DTD1: variants seen among roughly 807,000 people sequenced by gnomAD.
DTD1 encodes the protein D-tyrosyl-tRNA deacylase 1 homolog.
A neutral mutation model predicts 25.6 loss-of-function variants in DTD1; 13 were observed. The ratio of observed to expected loss-of-function variants is 0.51; its 90% confidence interval spans 0.33 to 0.81. The LOEUF is 0.81. DTD1 is among the 30% of genes least tolerant of loss of function. The probability of loss-of-function intolerance (pLI) is 0.02; values close to 1 mark genes in which losing one functional copy is unlikely to be tolerated. For synonymous variants in DTD1, 110 were observed against 103.6 expected, an observed-to-expected ratio of 1.06 and a Z score of -0.37; for missense variants, 193 against 266.4, an observed-to-expected ratio of 0.72 and a Z score of 1.92.
At chr20:18,743,551 G>C (rs1224865628) in intron 4 of DTD1, among the ~76,000 whole-genome samples, 1 of 151,760 alleles carries the variant, frequency 6.6e-6, no homozygotes, top group African/African-American at 2.4e-5. Context: ...GCATGCACCT[G>C]TAGTCACAGA....
intron 4 of DTD1, among the ~76,000 whole-genome samples, chr20:18,635,854 A>C (rs1039765204): frequency 6.6e-6 from 1 of 152,210 alleles, no homozygotes; most frequent in Non-Finnish European, 1.5e-5. Flanking sequence ...TCACCTTACC[A>C]TCTTAAATCC....
At chr20:18,682,728 G>C (rs2061002577) in intron 4 of DTD1, among the ~76,000 whole-genome samples, 1 of 152,200 alleles carries the variant, frequency 6.6e-6, no homozygotes. Flanking sequence ...GACACAGATG[G>C]CTGGCCCAAG....
rs189587406 is a variant in DTD1 at position 18,639,596 on chromosome 20, G to A, written c.477+11363G>A. On this transcript the variant is annotated intron_variant, in intron 4 of 5. Coordinates refer to ENST00000377452, the MANE Select transcript of DTD1 (RefSeq NM_080820.6). ...TTGCTGCTAGCTGGTCAAGAGTCTCGCAGCAGCCACTTTATACCTCACTAG... is the reference window on the plus strand; with the variant it reads ...TTGCTGCTAGCTGGTCAAGAGTCTCACAGCAGCCACTTTATACCTCACTAG... Among the ~76,000 whole-genome samples, 17 of 152,198 alleles carry A rather than the reference G, an allele frequency of 1.1e-4. No homozygotes were observed. In the East Asian group the frequency reaches 1.9e-3, roughly 17 times the overall value.
intron 1 of DTD1, among the ~76,000 whole-genome samples, chr20:18,593,219 T>A (rs1187458601): frequency 6.6e-6 from 1 of 152,196 alleles, no homozygotes; most frequent in Non-Finnish European, 1.5e-5. Context: ...AAATTGTGAT[T>A]TTTATGTATT....
intron 1 of DTD1, chr20:18,592,769 A>G (rs902257653): frequency 2.0e-5 from 3 of 147,500 alleles, no homozygotes; most frequent in African/African-American, 7.5e-5. Context: ...TGCAATCTCC[A>G]CCTTCTGGGT....
At chr20:18,659,058 A>G in intron 4 of DTD1, among the ~76,000 whole-genome samples, 1 of 151,874 alleles carries the variant, frequency 6.6e-6, no homozygotes, top group Non-Finnish European at 1.5e-5. Context: ...AGATATCTAA[A>G]TGAATTCTTA....
chr20:18,740,684 A>G (rs1242727618), intron 4 of DTD1, among the ~76,000 whole-genome samples: 1 of 152,264 alleles, frequency 6.6e-6, no homozygotes, highest in Non-Finnish European at 1.5e-5. Context: ...AAATTATAGT[A>G]AAATACACAT....
intron 3 of DTD1, among the ~76,000 whole-genome samples, chr20:18,622,342 C>T (rs1178270397): frequency 1.3e-5 from 2 of 151,996 alleles, no homozygotes; most frequent in Non-Finnish European, 2.9e-5. Flanking sequence ...CATTGATTTA[C>T]TTCCTAGGGG....
intron 4 of DTD1, among the ~76,000 whole-genome samples, chr20:18,704,726 T>A (rs777897024): frequency 6.6e-6 from 1 of 152,080 alleles, no homozygotes; most frequent in Non-Finnish European, 1.5e-5. Flanking sequence ...CTACTCAACA[T>A]CCTAAAATGC....
intron 4 of DTD1, among the ~76,000 whole-genome samples, chr20:18,719,271 T>TC: frequency 7.0e-6 from 1 of 142,028 alleles, no homozygotes; most frequent in South Asian, 2.1e-4. Flanking sequence ...GTGTGTGTGT[T>TC]TGTGTATCTT....
chr20:18,760,895 T>A (rs1027281922), intron 5 of DTD1, among the ~76,000 whole-genome samples: 2 of 152,206 alleles, frequency 1.3e-5, no homozygotes, highest in Non-Finnish European at 2.9e-5. Flanking sequence ...AGTTCGAGCT[T>A]CCCGGCCGCT....
intron 1 of DTD1, 27 bp from the exon 2 acceptor site, chr20:18,593,704 C>T: frequency 6.3e-7 from 1 of 1,585,706 alleles, no homozygotes; most frequent in Non-Finnish European, 8.7e-7. Flanking sequence ...GTTCTGAGTT[C>T]TTCTCTCCCT....
chr20:18,615,916 A>C (rs1048695319), intron 3 of DTD1, among the ~76,000 whole-genome samples: 1 of 152,162 alleles, frequency 6.6e-6, no homozygotes, highest in African/African-American at 2.4e-5. Flanking sequence ...GACCACGTCT[A>C]AGTTTTTGTT....
intron 3 of DTD1, among the ~76,000 whole-genome samples, chr20:18,607,744 C>T (rs1305265679): frequency 2.0e-5 from 3 of 150,832 alleles, no homozygotes; most frequent in Non-Finnish European, 3.0e-5. Context: ...GATAGAGTCT[C>T]GCTTGGTCAC....
At chr20:18,649,667 A>C (rs1020659822) in intron 4 of DTD1, among the ~76,000 whole-genome samples, 1 of 152,132 alleles carries the variant, frequency 6.6e-6, no homozygotes, top group Non-Finnish European at 1.5e-5. Context: ...TCAGATGGAA[A>C]GTGTGAGCTC....
At chr20:18,609,880 C>G (rs557610662) in intron 3 of DTD1, among the ~76,000 whole-genome samples, 5 of 152,324 alleles carry the variant, frequency 3.3e-5, no homozygotes, top group African/African-American at 1.2e-4. Context: ...TACCCTATGT[C>G]CACTGGGATC....
At position 18,598,792 on chromosome 20, in the gene DTD1, A is replaced by G. The variant is rs58607151; in HGVS notation, c.370+2551A>G. Reference sequence around the variant, plus strand: ...CCAAAGTGCTGGGATTACAGGTGTGAGCCACCGCGCCCGGCCAGTAATGGT... The same window carrying G: ...CCAAAGTGCTGGGATTACAGGTGTGGGCCACCGCGCCCGGCCAGTAATGGT... On this transcript the variant is annotated intron_variant, in intron 3 of 5. Transcript: ENST00000377452. Among the ~76,000 whole-genome samples the G allele has an allele frequency of 1.8e-4, 27 of 151,676 alleles. No individual in the cohort carries two copies. In the East Asian group the frequency reaches 4.8e-3, roughly 27 times the overall value.
chr20:18,633,312 C>G (rs1020093334), intron 4 of DTD1, among the ~76,000 whole-genome samples: 2 of 152,294 alleles, frequency 1.3e-5, no homozygotes, highest in South Asian at 4.1e-4. Flanking sequence ...TCTTTCCTAC[C>G]TCGGAGCTCT....
At position 18,763,849 on chromosome 20, in the gene DTD1, TC is replaced by T. The variant is rs2061372231; in HGVS notation, c.*510del. 2.0e-5 allele frequency: 3 copies of T among 152,224 alleles called. No homozygotes were observed. The highest frequency in any genetic ancestry group is 2.9e-5 in the Non-Finnish European group (2 of 68,044). 9.4% of individuals were successfully genotyped at this position (152,224 alleles called of 1,614,324 possible). A position where few individuals can be genotyped will look rare whatever the true frequency, so the allele number is the denominator to read the frequency against. On this transcript the variant is annotated 3_prime_UTR_variant, in exon 6 of 6. Coordinates refer to ENST00000377452, the MANE Select transcript of DTD1 (RefSeq NM_080820.6). ...TGAGACCTTTGCATCTTGTAAATTT[TC>T]TCTTTTTTCTAAAAATAAATAATAA...
Sources: allele counts gnomAD v4.1 joint callset (sites outside exome capture counted in the v4.1 genomes callset), GRCh38; gene constraint gnomAD v4.1.1; transcripts MANE v1.5; gene names NCBI Gene and HGNC (gene_info 2026-07-23, HGNC 2026-07-21).